Variants in SLC9A9 observed in about 807,000 individuals in gnomAD.
SLC9A9 encodes the protein sodium/hydrogen exchanger 9.
Under a neutral mutation model 77.8 loss-of-function variants are expected in SLC9A9, and 62 were observed. The ratio of observed to expected loss-of-function variants is 0.80; its 90% CI spans 0.65 to 0.98. The LOEUF (loss-of-function observed/expected upper bound fraction) is 0.98. SLC9A9 is among the 50% of genes least tolerant of loss of function. The pLI is 0.00. For missense variants in SLC9A9, 775 were observed against 774.9 expected (o/e 1.00, Z 0.00); for synonymous variants, 320 against 283.5 (o/e 1.13, Z -1.29).
intron 14 of SLC9A9, among the ~76,000 whole-genome samples, chr3:143,321,612 A>G (rs2031422807): frequency 6.6e-6 from 1 of 152,150 alleles, no homozygotes; most frequent in Non-Finnish European, 1.5e-5. Flanking sequence ...CCTGAGTGAC[A>G]GTTATGTTTT....
rs560313224 is a variant in SLC9A9 at position 143,848,451 on chromosome 3, A to G, written c.-129T>C. 1.9e-5 allele frequency: 23 copies of G among 1,199,806 alleles called. No individual in the cohort carries two copies. The highest frequency in any genetic ancestry group is 1.9e-4 in the South Asian group (15 of 78,760). The allele number at this position is 1,199,806 out of a possible 1,614,324, so 74.3% of individuals were successfully genotyped here. ...CTGCCACTTTAGTTGCTACTTCACA[A>G]GCATTCTGCCCTGGCTTAGTATTCA... On this transcript the variant is annotated 5_prime_UTR_variant, in exon 1 of 16. Coordinates refer to ENST00000316549, the MANE Select transcript of SLC9A9 (RefSeq NM_173653.4).
chr3:143,660,337 G>A (rs1253933678), intron 5 of SLC9A9, among the ~76,000 whole-genome samples: 1 of 152,218 alleles, frequency 6.6e-6, no homozygotes, highest in Non-Finnish European at 1.5e-5. Flanking sequence ...TTGGCTCTGA[G>A]ATGTAGGGGA....
chr3:143,273,068 TTTG>T (rs1255285667), intron 14 of SLC9A9, among the ~76,000 whole-genome samples: 1 of 152,262 alleles, frequency 6.6e-6, no homozygotes, highest in Non-Finnish European at 1.5e-5. Flanking sequence ...TGATTGATCT[TTTG>T]TTGTTGTTTA....
intron 12 of SLC9A9, among the ~76,000 whole-genome samples, chr3:143,447,142 T>C (rs2034861413): frequency 6.6e-6 from 1 of 152,206 alleles, no homozygotes; most frequent in Non-Finnish European, 1.5e-5. Context: ...GTTATTTATT[T>C]TTACAGCATG....
At chr3:143,630,155 A>T (rs1267015340) in intron 6 of SLC9A9, among the ~76,000 whole-genome samples, 3 of 152,234 alleles carry the variant, frequency 2.0e-5, no homozygotes, top group African/African-American at 7.2e-5. Flanking sequence ...TATAATAATT[A>T]TCTTTGCGTT....
chr3:143,366,030 A>G (rs1464113269), intron 13 of SLC9A9, among the ~76,000 whole-genome samples: 3 of 152,240 alleles, frequency 2.0e-5, no homozygotes, highest in Non-Finnish European at 4.4e-5. Context: ...ATGACTAGAA[A>G]GTCATTTAAA....
rs976106980 is a variant in SLC9A9, at chr3:143,586,863, A to G, written c.756-8140T>C. Among the ~76,000 whole-genome samples, 4 of 152,232 alleles carry G rather than the reference A, an allele frequency of 2.6e-5. No homozygotes were observed. The South Asian group carries it at 6.2e-4, about 24-fold the overall frequency. On this transcript the variant is annotated intron_variant, in intron 6 of 15. Transcript: ENST00000316549. Reference sequence around the variant, plus strand: ...TTCTTAATAATAAGAGGTCCTGGCCAAAGTTCACTGAGCTTGAGTAAGAAC... The same window carrying G: ...TTCTTAATAATAAGAGGTCCTGGCCGAAGTTCACTGAGCTTGAGTAAGAAC...
At chr3:143,391,849 C>A (rs1019357368) in intron 12 of SLC9A9, among the ~76,000 whole-genome samples, 1 of 152,052 alleles carries the variant, frequency 6.6e-6, no homozygotes. Context: ...GAAAAGGTAT[C>A]AGTGATTGAA....
chr3:143,551,196 A>AAG (rs1316048236), intron 9 of SLC9A9, among the ~76,000 whole-genome samples: 2 of 151,990 alleles, frequency 1.3e-5, no homozygotes, highest in African/African-American at 2.4e-5. Flanking sequence ...TCCAGAGGCT[A>AAG]AGAGAGAGAG....
chr3:143,434,531 C>A (rs529626670), intron 12 of SLC9A9, among the ~76,000 whole-genome samples: 12 of 152,150 alleles, frequency 7.9e-5, no homozygotes, highest in African/African-American at 2.9e-4. Context: ...ACCACCGTAG[C>A]CCCTTCATGC....
At chr3:143,476,529 G>A (rs144155343) in intron 11 of SLC9A9, among the ~76,000 whole-genome samples, 2 of 152,292 alleles carry the variant, frequency 1.3e-5, no homozygotes, top group African/African-American at 2.4e-5. Context: ...TTGTTTTTAC[G>A]TGGGTAAGAT....
chr3:143,765,544 G>C (rs1250424312), intron 4 of SLC9A9, among the ~76,000 whole-genome samples: 1 of 152,120 alleles, frequency 6.6e-6, no homozygotes, highest in Non-Finnish European at 1.5e-5. Flanking sequence ...TTATATACTA[G>C]TTGTTCTTTA....
At chr3:143,279,500 GTT>G (rs1476205514) in intron 14 of SLC9A9, among the ~76,000 whole-genome samples, 1 of 152,120 alleles carries the variant, frequency 6.6e-6, no homozygotes, top group Non-Finnish European at 1.5e-5. Flanking sequence ...TGCCATGGTG[GTT>G]TGCTGCATCC....
intron 2 of SLC9A9, among the ~76,000 whole-genome samples, chr3:143,828,659 A>T (rs561232034): frequency 6.6e-6 from 1 of 152,226 alleles, no homozygotes; most frequent in South Asian, 2.1e-4. Flanking sequence ...AAAAGATGGT[A>T]CTTCAAGCCA....
chr3:143,829,284 T>G (rs1235987466), intron 2 of SLC9A9, among the ~76,000 whole-genome samples: 1 of 152,154 alleles, frequency 6.6e-6, no homozygotes, highest in Non-Finnish European at 1.5e-5. Context: ...CTTAAAATCC[T>G]GGAAACTTAG....
intron 9 of SLC9A9, chr3:143,504,344 C>A (rs146599489): frequency 1.2e-5 from 2 of 171,010 alleles, no homozygotes; most frequent in Admixed American, 1.3e-4. Context: ...GAGAAGAGAG[C>A]TGCTCCTCGG....
intron 14 of SLC9A9, among the ~76,000 whole-genome samples, chr3:143,319,597 T>G (rs937379973): frequency 6.6e-6 from 1 of 152,184 alleles, no homozygotes; most frequent in African/African-American, 2.4e-5. Flanking sequence ...GCAGGCAATG[T>G]TTTTCTGGAA....
At position 143,746,980 on chromosome 3, in the gene SLC9A9, C is replaced by G. The variant is rs551765703; in HGVS notation, c.533+48021G>C. 2.6e-5 allele frequency among the ~76,000 whole-genome samples: 4 copies of G among 152,254 alleles called. No individual in the cohort carries two copies. The East Asian group carries it at 7.7e-4, about 29-fold the overall frequency. Reference sequence around the variant, plus strand: ...CCTTCAAACGCGACATATTTTTAAGCCTTTTTTCCCCCTCAAATGCCGTAA... The same window carrying G: ...CCTTCAAACGCGACATATTTTTAAGGCTTTTTTCCCCCTCAAATGCCGTAA... On this transcript the variant is annotated intron_variant, in intron 4 of 15. Transcript: ENST00000316549.
intron 12 of SLC9A9, among the ~76,000 whole-genome samples, chr3:143,420,683 A>C (rs918322161): frequency 6.6e-6 from 1 of 152,208 alleles, no homozygotes; most frequent in Non-Finnish European, 1.5e-5. Flanking sequence ...TCTATGAGGC[A>C]TTGTGCCAAG....
Sources: gnomAD v4.1 joint callset for allele counts (sites outside exome capture counted in the v4.1 genomes callset) on GRCh38, gnomAD v4.1.1 for gene constraint, MANE v1.5 for transcripts, NCBI Gene and HGNC (gene_info 2026-07-23, HGNC 2026-07-21) for gene names.